The following HEXB variants were observed in gnomAD, a reference collection of about 807,000 sequenced individuals.
The protein encoded by HEXB is hexosaminidase subunit beta, also known as beta-hexosaminidase subunit beta.
HEXB carries 51 observed loss-of-function variants against 71.2 expected under a neutral mutation model. The observed-to-expected ratio is 0.72, with a 90% CI of 0.57 to 0.90. The LOEUF (loss-of-function observed/expected upper bound fraction) is 0.90. Among genes scored for constraint, HEXB ranks in the 40% least tolerant of loss-of-function variants. The pLI, the probability that HEXB is intolerant of heterozygous loss-of-function variation, is 0.00. For missense variants in HEXB, 617 were observed against 677.0 expected (o/e 0.91, Z 0.98); for synonymous variants, 266 against 249.3 (o/e 1.07, Z -0.63).
intron 5 of HEXB, among the ~76,000 whole-genome samples, chr5:74,704,968 T>A (rs1749346431): frequency 6.6e-6 from 1 of 151,860 alleles, no homozygotes; most frequent in Non-Finnish European, 1.5e-5. Context: ...AGTGGGCGCC[T>A]GTAGTCCCAG....
At chr5:74,668,173 C>T (rs879906527) in intron 1 of HEXB, among the ~76,000 whole-genome samples, 4 of 151,968 alleles carry the variant, frequency 2.6e-5, no homozygotes, top group African/African-American at 4.8e-5. Context: ...TGCAGCCATA[C>T]GCCTCTTCCA....
intron 1 of HEXB, among the ~76,000 whole-genome samples, chr5:74,673,112 A>G (rs1419762648): frequency 1.3e-5 from 2 of 152,246 alleles, no homozygotes; most frequent in African/African-American, 4.8e-5. Flanking sequence ...GGGGAACAAG[A>G]TAGTGTGGAT....
intron 1 of HEXB, among the ~76,000 whole-genome samples, chr5:74,646,670 C>T (rs575806110): frequency 1.3e-5 from 2 of 151,584 alleles, no homozygotes; most frequent in African/African-American, 4.9e-5. Context: ...CGAGTTCAAG[C>T]GATTCTCCTG....
At chr5:74,661,559 G>GTCTC (rs1748325968) in intron 1 of HEXB, among the ~76,000 whole-genome samples, 1 of 134,434 alleles carries the variant, frequency 7.4e-6, no homozygotes, top group East Asian at 2.2e-4. Flanking sequence ...GTGTGTGTGT[G>GTCTC]TGTGTCTCTC....
chr5:74,701,471 A>G (rs1386692057), intron 5 of HEXB, among the ~76,000 whole-genome samples: 4 of 152,146 alleles, frequency 2.6e-5, no homozygotes, highest in Admixed American at 2.6e-4. Flanking sequence ...TTCAATGACA[A>G]TTACTAAATA....
At chr5:74,672,225 G>A (rs1043666761) in intron 1 of HEXB, among the ~76,000 whole-genome samples, 18 of 152,174 alleles carry the variant, frequency 1.2e-4, no homozygotes, top group Non-Finnish European at 2.4e-4. Context: ...AGCCCTTCAG[G>A]GAATGTACTC....
intron 8 of HEXB, 149 bp from the exon 9 acceptor site, chr5:74,716,438 T>C (rs568027810): frequency 3.5e-6 from 2 of 569,346 alleles, no homozygotes; most frequent in African/African-American, 1.9e-5. Flanking sequence ...TTAAGATAAC[T>C]TGTAATTAAG....
chr5:74,690,675 A>G (rs1580380266), intron 2 of HEXB, among the ~76,000 whole-genome samples: 2 of 8,570 alleles, frequency 2.3e-4, no homozygotes, highest in Non-Finnish European at 5.0e-4. Context: ...AAAAAAAAAA[A>G]AAAAAAAAAA....
In HEXB at chr5:74,641,890, T is replaced by C. The variant is rs1051796557; in HGVS notation, c.-377+1332T>C. ...GAACCGAGGCCCAGGGAGATGTGAATTGCCTGGCTCGTAGTCACTTAGCAA... is the reference window on the plus strand; with the variant it reads ...GAACCGAGGCCCAGGGAGATGTGAACTGCCTGGCTCGTAGTCACTTAGCAA... On this transcript the variant is annotated intron_variant, in intron 1 of 13. Coordinates refer to the HEXB transcript ENST00000511181. This position sits in a 1 kb window ranked among gnomAD's most constrained non-coding sequence, Gnocchi z 4.1. Among the ~76,000 whole-genome samples, 7 of 152,154 alleles carry C rather than the reference T, an allele frequency of 4.6e-5. No individual in the cohort carries two copies. The highest frequency in any genetic ancestry group is 1.4e-4 in the African/African-American group (6 of 41,428).
At chr5:74,690,216 A>G (rs1297671221) in intron 2 of HEXB, among the ~76,000 whole-genome samples, 1 of 152,210 alleles carries the variant, frequency 6.6e-6, no homozygotes, top group East Asian at 1.9e-4. Flanking sequence ...TTGTTTTAGA[A>G]CAAATAAGTG....
At chr5:74,693,598 A>G (rs773593544) in intron 2 of HEXB, 41 bp from the exon 3 acceptor site, 1 of 1,358,966 alleles carries the variant, frequency 7.4e-7, no homozygotes, top group South Asian at 1.2e-5. Flanking sequence ...TCATTGAGGG[A>G]TTAACAAAAG....
intron 2 of HEXB, chr5:74,693,425 G>A (rs1489930326): frequency 3.1e-5 from 19 of 618,606 alleles, no homozygotes; most frequent in Non-Finnish European, 4.1e-5. Context: ...TGAAGTGTGC[G>A]GAGGAGGGAG....
At chr5:74,648,867 C>T (rs1171772555) in intron 1 of HEXB, among the ~76,000 whole-genome samples, 1 of 152,042 alleles carries the variant, frequency 6.6e-6, no homozygotes, top group Non-Finnish European at 1.5e-5. Context: ...TGCTAGTCAC[C>T]TAAGAATGAA....
At chr5:74,648,091 T>G (rs1404756059) in intron 1 of HEXB, among the ~76,000 whole-genome samples, 1 of 152,210 alleles carries the variant, frequency 6.6e-6, no homozygotes, top group Non-Finnish European at 1.5e-5. Flanking sequence ...GCAAAGTATT[T>G]ATTCTCTCAG....
chr5:74,713,602 G>C lies in HEXB; in HGVS notation c.868G>C (p.Asp290His). 6.2e-7 allele frequency: 1 copy of C among 1,613,388 alleles called. No individual in the cohort carries two copies. Among genetic ancestry groups the C allele is most frequent in the Non-Finnish European group, 8.5e-7 (1 of 1,179,318 alleles). The change falls in exon 7 of 14, where the codon GAT becomes CAT. Residue 290 changes from aspartate (D) to histidine (H), a missense_variant. Physicochemically the swap from Asp to His is moderately conservative, Grantham distance 81. Transcript: ENST00000261416. ...LRGIRVLPEFDTPGHTLSWGK... is the reference protein window; with the variant it reads ...LRGIRVLPEFHTPGHTLSWGK... Reference sequence around the variant, plus strand: ...AGGAATTCGAGTCCTGCCAGAATTTGATACCCCTGGGCATACACTATCTTG... The same window carrying C: ...AGGAATTCGAGTCCTGCCAGAATTTCATACCCCTGGGCATACACTATCTTG...
At chr5:74,662,610 T>C (rs149109072) in intron 1 of HEXB, among the ~76,000 whole-genome samples, 66 of 152,332 alleles carry the variant, frequency 4.3e-4, no homozygotes, top group Non-Finnish European at 8.2e-4. Flanking sequence ...GCAAAAGTGC[T>C]TCCCAAAATG....
Position 74,677,820 on chromosome 5 carries a change from A to G in HEXB, c.-376-11508A>G, listed in dbSNP as rs1464011682. 2.0e-5 allele frequency among the ~76,000 whole-genome samples: 3 copies of G among 152,226 alleles called. No homozygotes were observed. In the South Asian group the frequency reaches 6.2e-4, roughly 32 times the overall value. On this transcript the variant is annotated intron_variant, in intron 1 of 13. Coordinates refer to the HEXB transcript ENST00000511181. Reference sequence around the variant, plus strand: ...GCACTGGTCACCTGAGTAGTGCACAATGTACCTAATGTGTAGTTTTTTTAG... The same window carrying G: ...GCACTGGTCACCTGAGTAGTGCACAGTGTACCTAATGTGTAGTTTTTTTAG...
intron 1 of HEXB, among the ~76,000 whole-genome samples, chr5:74,642,982 A>G (rs1005962545): frequency 3.3e-5 from 5 of 152,246 alleles, no homozygotes; most frequent in African/African-American, 1.2e-4. Context: ...GACCGTATAC[A>G]TTCGCTTCAT....
chr5:74,712,228 C>T (rs1369004127), intron 6 of HEXB, among the ~76,000 whole-genome samples: 7 of 145,870 alleles, frequency 4.8e-5, no homozygotes, highest in African/African-American at 1.5e-4. Flanking sequence ...GGGAATTGAA[C>T]AATGAGAACA....
Sources: gnomAD v4.1 joint callset for allele counts (sites outside exome capture counted in the v4.1 genomes callset) on GRCh38, gnomAD v4.1.1 for gene constraint, Gnocchi (gnomAD v3.1) non-coding constraint, MANE v1.5 for transcripts, NCBI Gene and HGNC (gene_info 2026-07-23, HGNC 2026-07-21) for gene names.